PHACTR1: variants seen among roughly 807,000 people sequenced by gnomAD.
PHACTR1 encodes the protein phosphatase and actin regulator 1.
In PHACTR1, 16 loss-of-function variants were observed where a neutral mutation model predicts 69.2. The observed-to-expected ratio is 0.23, with a 90% CI of 0.16 to 0.35. The LOEUF (loss-of-function observed/expected upper bound fraction) is 0.35, where lower values mean the gene tolerates loss of function less well. PHACTR1 is among the 10% of genes least tolerant of loss of function. The pLI, the probability that PHACTR1 is intolerant of heterozygous loss-of-function variation, is 1.00. For synonymous variants in PHACTR1, 312 were observed against 284.5 expected (o/e 1.10, Z -0.97); for missense variants, 510 against 734.7 (o/e 0.69, Z 3.54).
At chr6:13,018,100 A>G (rs1353296502) in intron 4 of PHACTR1, among the ~76,000 whole-genome samples, 2 of 152,256 alleles carry the variant, frequency 1.3e-5, no homozygotes, top group Non-Finnish European at 2.9e-5. Flanking sequence ...CTTTAGGAAT[A>G]ACAATTTGTC....
chr6:12,780,775 TAA>T lies in PHACTR1; in HGVS notation c.250+30989_250+30990del, dbSNP rs1347549349. ...GTTTTGGAGTGTGATCCCAAAACTC[TAA>T]AAACATACACAAAGCTTAAATGGAC... On this transcript the variant is annotated intron_variant, in intron 4 of 14. Coordinates refer to ENST00000332995, the MANE Select transcript of PHACTR1 (RefSeq NM_030948.6). 2.0e-5 allele frequency among the ~76,000 whole-genome samples: 3 copies of T among 152,200 alleles called. No individual in the cohort carries two copies. The East Asian group carries it at 5.8e-4, about 29-fold the overall frequency.
rs1292775072 is a variant in PHACTR1, at chr6:13,227,162, T to C, written c.987-654T>C. On this transcript the variant is annotated intron_variant, in intron 8 of 14. Coordinates refer to ENST00000332995, the MANE Select transcript of PHACTR1 (RefSeq NM_030948.6). ...GCAAAATATCCAGACTGGCATTACC[T>C]GTGGCTCCCTGTGGGAGAGAACTTT... is the stretch of plus-strand genomic sequence containing the variant. 7.2e-5 allele frequency among the ~76,000 whole-genome samples: 11 copies of C among 152,340 alleles called. No homozygotes were observed. In the South Asian group the frequency reaches 1.0e-3, roughly 14 times the overall value.
At chr6:13,009,776 G>A (rs1355476657) in intron 4 of PHACTR1, among the ~76,000 whole-genome samples, 1 of 152,022 alleles carries the variant, frequency 6.6e-6, no homozygotes, top group Non-Finnish European at 1.5e-5. Context: ...GGCTGTAACA[G>A]GTCCTGCCAG....
chr6:12,999,522 C>T (rs537951124), intron 4 of PHACTR1, among the ~76,000 whole-genome samples: 2 of 152,248 alleles, frequency 1.3e-5, no homozygotes, highest in Admixed American at 6.5e-5. Context: ...TTTTTTGAAT[C>T]CAGGAGGCGG....
At chr6:13,181,950 A>C (rs1301316260) in intron 6 of PHACTR1, among the ~76,000 whole-genome samples, 1 of 152,204 alleles carries the variant, frequency 6.6e-6, no homozygotes, top group Non-Finnish European at 1.5e-5. Context: ...TACATAGAAA[A>C]TGGCCGGGCG....
At chr6:13,163,473 CA>C (rs576731952) in intron 6 of PHACTR1, among the ~76,000 whole-genome samples, 1 of 152,170 alleles carries the variant, frequency 6.6e-6, no homozygotes, top group African/African-American at 2.4e-5. Flanking sequence ...CCCCAAGCCC[CA>C]AATCATGTCT....
chr6:13,269,433 CT>C (rs1777305961), intron 10 of PHACTR1, among the ~76,000 whole-genome samples: 1 of 152,206 alleles, frequency 6.6e-6, no homozygotes. Context: ...AATTCAAAGA[CT>C]ACTGCATCCA....
intron 3 of PHACTR1, among the ~76,000 whole-genome samples, chr6:12,728,303 C>T (rs907871043): frequency 1.3e-5 from 2 of 151,986 alleles, no homozygotes; most frequent in South Asian, 2.1e-4. Flanking sequence ...GGCAATGGAG[C>T]GAGATTCTGT....
intron 8 of PHACTR1, among the ~76,000 whole-genome samples, chr6:13,223,117 T>A (rs990318574): frequency 6.6e-6 from 1 of 152,176 alleles, no homozygotes; most frequent in Non-Finnish European, 1.5e-5. Flanking sequence ...TTGCTTAGGA[T>A]GAGGTTACAA....
At chr6:13,236,119 A>G (rs1383251969) in intron 10 of PHACTR1, among the ~76,000 whole-genome samples, 5 of 149,158 alleles carry the variant, frequency 3.4e-5, no homozygotes, top group Admixed American at 1.3e-4. Flanking sequence ...GTCAGAGTTG[A>G]CCAGAATTTT....
At chr6:12,722,813 G>C (rs1360121994) in intron 3 of PHACTR1, among the ~76,000 whole-genome samples, 1 of 152,130 alleles carries the variant, frequency 6.6e-6, no homozygotes. Flanking sequence ...AGTGAAGGAG[G>C]CTCTCTTGAT....
chr6:13,091,802 C>A (rs1421460250), intron 5 of PHACTR1, among the ~76,000 whole-genome samples: 1 of 151,902 alleles, frequency 6.6e-6, no homozygotes, highest in African/African-American at 2.4e-5. Flanking sequence ...ATAGGGTTCG[C>A]AATTCTTTTT....
chr6:13,116,682 T>C (rs999487911), intron 5 of PHACTR1, among the ~76,000 whole-genome samples: 1 of 152,214 alleles, frequency 6.6e-6, no homozygotes, highest in East Asian at 1.9e-4. Flanking sequence ...TTTTTGTAAG[T>C]GTGTAATATT....
chr6:13,059,953 A>G (rs1010193266), intron 5 of PHACTR1, among the ~76,000 whole-genome samples: 1 of 152,164 alleles, frequency 6.6e-6, no homozygotes, highest in Non-Finnish European at 1.5e-5. Context: ...CAAGAACAAA[A>G]TGGAAAGAAG....
At chr6:12,939,038 C>A (rs948535656) in intron 4 of PHACTR1, among the ~76,000 whole-genome samples, 7 of 152,180 alleles carry the variant, frequency 4.6e-5, no homozygotes, top group African/African-American at 1.7e-4. Flanking sequence ...ATCTTGGTAT[C>A]AAGCCCATAC....
chr6:13,105,169 C>T (rs1029437146), intron 5 of PHACTR1, among the ~76,000 whole-genome samples: 1 of 152,080 alleles, frequency 6.6e-6, no homozygotes, highest in African/African-American at 2.4e-5. Context: ...ATTGCTTGAG[C>T]GAGTTTGAGA....
intron 4 of PHACTR1, among the ~76,000 whole-genome samples, chr6:12,867,729 G>T (rs1781595917): frequency 6.6e-6 from 1 of 152,164 alleles, no homozygotes; most frequent in Non-Finnish European, 1.5e-5. Flanking sequence ...TTAAAGTCAG[G>T]TGACTACATT....
chr6:12,780,253 G>GTGTGTGTC (rs1561875208), intron 4 of PHACTR1, among the ~76,000 whole-genome samples: 1 of 30,482 alleles, frequency 3.3e-5, no homozygotes, highest in African/African-American at 5.5e-5. Context: ...TTTTCTCTGT[G>GTGTGTGTC]TGTGTGTGTG....
chr6:13,083,755 T>C (rs1438006169), intron 5 of PHACTR1, among the ~76,000 whole-genome samples: 1 of 152,112 alleles, frequency 6.6e-6, no homozygotes, highest in Non-Finnish European at 1.5e-5. Flanking sequence ...TTGTCTGTTA[T>C]TGGTGTATAA....
Sources: gnomAD v4.1 joint callset for allele counts (sites outside exome capture counted in the v4.1 genomes callset) on GRCh38, gnomAD v4.1.1 for gene constraint, MANE v1.5 for transcripts, NCBI Gene and HGNC (gene_info 2026-07-23, HGNC 2026-07-21) for gene names.